KCNG2: variants seen among roughly 807,000 people sequenced by gnomAD.
KCNG2 encodes potassium voltage-gated channel modifier subfamily G member 2.
In KCNG2, 7 loss-of-function variants were observed where a neutral mutation model predicts 12.3. The observed-to-expected ratio is 0.57, with a 90% confidence interval of 0.32 to 1.07. KCNG2 has a LOEUF of 1.07. Among genes scored for constraint, KCNG2 ranks in the 50% least tolerant of loss-of-function variants. The pLI, the probability that KCNG2 is intolerant of heterozygous loss-of-function variation, is 0.04. For synonymous variants in KCNG2, 414 were observed against 351.4 expected (o/e 1.18, Z -1.99); for missense variants, 703 against 726.0 (o/e 0.97, Z 0.36).
intron 1 of KCNG2, among the ~76,000 whole-genome samples, chr18:79,831,949 C>G (rs755146188): frequency 6.6e-6 from 1 of 152,208 alleles, no homozygotes; most frequent in Non-Finnish European, 1.5e-5. Flanking sequence ...GTGACCTCCA[C>G]CTGGGAGTTG....
intron 1 of KCNG2, among the ~76,000 whole-genome samples, chr18:79,807,644 G>C (rs1331066585): frequency 6.6e-6 from 1 of 152,174 alleles, no homozygotes; most frequent in East Asian, 1.9e-4. Flanking sequence ...CGCAGCACAC[G>C]CTGAAGAAAC....
At chr18:79,809,471 AC>A (rs2087475647) in intron 1 of KCNG2, among the ~76,000 whole-genome samples, 1 of 105,886 alleles carries the variant, frequency 9.4e-6, no homozygotes, top group Admixed American at 9.3e-5. Context: ...GGCCGCGCTG[AC>A]CACACTCCAC....
intron 3 of KCNG2, among the ~76,000 whole-genome samples, chr18:79,870,571 A>G (rs3902996): frequency 0.11 from 16,573 of 152,258 alleles, 1,031 homozygotes; most frequent in Middle Eastern, 0.18. Context: ...CAGACTGTGC[A>G]TCTGCTCACT....
At position 79,899,239 on chromosome 18, in the gene KCNG2, G is replaced by C. The variant is rs778338837; in HGVS notation, c.824G>C (p.Gly275Ala). The C allele has an allele frequency of 1.9e-6, 3 of 1,597,586 alleles. No individual in the cohort carries two copies. The highest frequency in any genetic ancestry group is 2.5e-6 in the Non-Finnish European group (3 of 1,177,974). The change falls in exon 4 of 4, where the codon GGC (glycine) becomes GCC (alanine). Residue 275 changes from glycine (G) to alanine (A), a missense_variant. By Grantham distance (60) the Gly-to-Ala change is moderately conservative (BLOSUM62 0). Coordinates refer to ENST00000316249, the MANE Select transcript of KCNG2 (RefSeq NM_012283.2). The stretch of plus-strand genomic sequence containing the variant: ...CTGCTGGGGCTGGCGGCAGGCCCGG[G>C]CGGGACCAAGCTCCTGGAGCGCGCG... ...SLLLGLAAGPGGTKLLERAGL... is the reference protein window; with the variant it reads ...SLLLGLAAGPAGTKLLERAGL...
chr18:79,858,168 G>A (rs939968184), intron 2 of KCNG2, among the ~76,000 whole-genome samples: 3 of 152,004 alleles, frequency 2.0e-5, no homozygotes, highest in Non-Finnish European at 2.9e-5. Context: ...ACCCAGCTAA[G>A]TTTTGTATTT....
rs2123067599 is a variant in KCNG2, at chr18:79,863,887, A to T, written c.220A>T (p.Ser74Cys). The change falls in exon 3 of 4, where the codon AGC becomes TGC. Residue 74 changes from serine (S) to cysteine (C), a missense_variant. Transcript: ENST00000316249. Reference protein sequence around the residue: ...VSRDEFFFDRSPCAFRAIVAL... With the variant: ...VSRDEFFFDRCPCAFRAIVAL... ...CCGCGACGAGTTCTTCTTCGACCGC[A>T]GCCCGTGCGCCTTCCGCGCCATCGT... 1 of 1,473,482 alleles carries T rather than the reference A, an allele frequency of 6.8e-7. No individual in the cohort carries two copies. The allele number at this position is 1,473,482 out of a possible 1,614,324, so 91.3% of individuals were successfully genotyped here. A position where few individuals can be genotyped will look rare whatever the true frequency, so the allele number is the denominator to read the frequency against.
intron 1 of KCNG2, among the ~76,000 whole-genome samples, chr18:79,812,263 G>A (rs544245907): frequency 1.3e-4 from 20 of 152,312 alleles, no homozygotes; most frequent in Admixed American, 9.8e-4. Flanking sequence ...CAGCATATGT[G>A]AGATACGGTC....
At chr18:79,883,135 A>T (rs897038144) in intron 3 of KCNG2, among the ~76,000 whole-genome samples, 27 of 152,184 alleles carry the variant, frequency 1.8e-4, no homozygotes, top group Admixed American at 1.8e-3. Context: ...GGTGCCCGGG[A>T]CAGCACGAAT....
At chr18:79,883,016 G>A (rs1980378017) in intron 3 of KCNG2, among the ~76,000 whole-genome samples, 1 of 152,254 alleles carries the variant, frequency 6.6e-6, no homozygotes, top group Non-Finnish European at 1.5e-5. Context: ...TGTTCAGCCG[G>A]CTTTATTCAG....
intron 3 of KCNG2, among the ~76,000 whole-genome samples, chr18:79,891,165 C>G (rs1359346864): frequency 1.3e-5 from 2 of 152,178 alleles, no homozygotes; most frequent in South Asian, 4.1e-4. Context: ...AATTTGAGAT[C>G]TTTCTTCTTT....
intron 3 of KCNG2, among the ~76,000 whole-genome samples, chr18:79,885,192 C>G (rs570267988): frequency 6.6e-6 from 1 of 152,160 alleles, no homozygotes; most frequent in Non-Finnish European, 1.5e-5. Flanking sequence ...CAGGAGCCGG[C>G]CCTGGCACCC....
intron 1 of KCNG2, among the ~76,000 whole-genome samples, chr18:79,798,845 C>T (rs929698403): frequency 6.6e-6 from 1 of 152,190 alleles, no homozygotes; most frequent in African/African-American, 2.4e-5. Flanking sequence ...TGGGCCCGCT[C>T]CGCGTCCCGA....
rs2087577307 is a variant in KCNG2, at chr18:79,822,357, C to T, written c.-115+24343C>T. Among the ~76,000 whole-genome samples, 1 of 152,142 alleles carries T rather than the reference C, an allele frequency of 6.6e-6. No homozygotes were observed. The highest frequency in any genetic ancestry group is 2.1e-4 in the South Asian group (1 of 4,828). On this transcript the variant is annotated intron_variant, in intron 1 of 3. Transcript: ENST00000316249. The surrounding 1 kb of genome is among the most constrained non-coding windows in gnomAD (Gnocchi z 4.4). ...CTAGAGCCACGGTTCTGTCCAGGGC[C>T]CCTCACCATCGTTCCCATCATCCGT...
intron 1 of KCNG2, among the ~76,000 whole-genome samples, chr18:79,798,839 C>T (rs1301422420): frequency 1.3e-5 from 2 of 152,198 alleles, no homozygotes; most frequent in Admixed American, 6.5e-5. Flanking sequence ...GTGAACTGGG[C>T]CCGCTCCGCG....
At chr18:79,840,507 T>C (rs1031981964) in intron 1 of KCNG2, among the ~76,000 whole-genome samples, 1 of 152,200 alleles carries the variant, frequency 6.6e-6, no homozygotes, top group Non-Finnish European at 1.5e-5. Context: ...GGAATTAGCT[T>C]ATTAAAAATG....
At chr18:79,819,614 C>T (rs1460982853) in intron 1 of KCNG2, among the ~76,000 whole-genome samples, 2 of 152,252 alleles carry the variant, frequency 1.3e-5, no homozygotes, top group Admixed American at 1.3e-4. Flanking sequence ...GAGCGCTCAG[C>T]CAAGGACCCG....
intron 3 of KCNG2, among the ~76,000 whole-genome samples, chr18:79,892,135 C>CA (rs1980765674): frequency 6.9e-6 from 1 of 145,480 alleles, no homozygotes. Context: ...AAAAAAACAA[C>CA]ACAGTGCGGT....
chr18:79,802,834 A>G (rs1462175671), intron 1 of KCNG2, among the ~76,000 whole-genome samples: 1 of 152,164 alleles, frequency 6.6e-6, no homozygotes, highest in African/African-American at 2.4e-5. Flanking sequence ...TTAACATCAT[A>G]GCAATTGATG....
Position 79,899,950 on chromosome 18 carries a change from G to A in KCNG2, c.*134G>A, listed in dbSNP as rs1341322261. The stretch of plus-strand genomic sequence containing the variant: ...CCGGCCGCGTCCTCGGCCCTCGTGC[G>A]TGAGCAGCCCCAGAACTTGGCGGGG... On this transcript the variant is annotated 3_prime_UTR_variant, in exon 4 of 4. Transcript: ENST00000316249. 6 of 820,378 alleles carry A rather than the reference G, an allele frequency of 7.3e-6. No homozygotes were observed. The highest frequency in any genetic ancestry group is 4.5e-5 in the South Asian group (1 of 22,152). 50.8% of individuals were successfully genotyped at this position (820,378 alleles called of 1,614,324 possible).
Sources: gnomAD v4.1 joint callset for allele counts (sites outside exome capture counted in the v4.1 genomes callset) on GRCh38, gnomAD v4.1.1 for gene constraint, Gnocchi (gnomAD v3.1) non-coding constraint, MANE v1.5 for transcripts, NCBI Gene and HGNC (gene_info 2026-07-23, HGNC 2026-07-21) for gene names.